Variants in TATDN3 observed in about 807,000 individuals in gnomAD.
TATDN3 encodes the protein deoxyribonuclease TATDN3.
A neutral mutation model predicts 40.1 loss-of-function variants in TATDN3; 29 were observed. That is an observed-to-expected ratio of 0.72 (90% CI 0.54 to 0.99). The LOEUF (loss-of-function observed/expected upper bound fraction) is 0.99, where lower values mean the gene tolerates loss of function less well. TATDN3 is among the 50% of genes least tolerant of loss of function. TATDN3 has a pLI of 0.00. For missense variants in TATDN3, 309 were observed against 321.9 expected, an observed-to-expected ratio of 0.96 and a Z score of 0.31; for synonymous variants, 105 against 117.0, an observed-to-expected ratio of 0.90 and a Z score of 0.66.
At chr1:212,806,781 T>TATATAC (rs1553257529) in intron 7 of TATDN3, among the ~76,000 whole-genome samples, 1 of 94,458 alleles carries the variant, frequency 1.1e-5, no homozygotes, top group African/African-American at 4.3e-5. Flanking sequence ...TATATATATA[T>TATATAC]ATACACACAC....
rs35705391 is a variant in TATDN3, at chr1:212,792,165, A to AT, written c.66+187dup. Among the ~76,000 whole-genome samples, 674 of 151,036 alleles carry AT rather than the reference A, an allele frequency of 4.5e-3. 3 individuals are homozygous for AT. Among genetic ancestry groups the AT allele is most frequent in the African/African-American group, 0.015 (637 of 41,118 alleles). On this transcript the variant is annotated intron_variant, in intron 1 of 9. Coordinates refer to ENST00000366974, the MANE Select transcript of TATDN3 (RefSeq NM_001042552.3). ...TCCCTATTTAACCTCAGACATACCG[A>AT]TTTTTTTTTCCTGATTCAGTAGCGG...
chr1:212,796,847 C>G, intron 3 of TATDN3: 2 of 471,380 alleles, frequency 4.2e-6, no homozygotes, highest in East Asian at 6.8e-5. Context: ...AAGCAATTCT[C>G]TGCCTCAGCC....
Position 212,796,354 on chromosome 1 carries a change from A to C in TATDN3, c.100-163A>C, listed in dbSNP as rs1411637812. Reference sequence around the variant, plus strand: ...GAGGCAATATTTATATTCACTGAACATAAGGTCTGAAACATAGTAAATACT... The same window carrying C: ...GAGGCAATATTTATATTCACTGAACCTAAGGTCTGAAACATAGTAAATACT... On this transcript the variant is annotated intron_variant, in intron 2 of 9. Coordinates refer to ENST00000366974, the MANE Select transcript of TATDN3 (RefSeq NM_001042552.3). 5.3e-5 allele frequency among the ~76,000 whole-genome samples: 8 copies of C among 152,264 alleles called. 1 individual carries two copies. Among genetic ancestry groups the C allele is most frequent in the Non-Finnish European group, 1.2e-4 (8 of 68,054 alleles).
intron 8 of TATDN3, 75 bp from the exon 9 acceptor site, chr1:212,812,173 A>G: frequency 1.1e-6 from 1 of 932,748 alleles, no homozygotes; most frequent in Non-Finnish European, 1.6e-6. Context: ...AAAATGCATT[A>G]TTAGTATGTC....
intron 7 of TATDN3, 74 bp from the exon 8 acceptor site, chr1:212,807,662 T>A (rs1449125672): frequency 8.3e-7 from 1 of 1,200,224 alleles, no homozygotes; most frequent in Non-Finnish European, 1.2e-6. Context: ...TTACTTAAAA[T>A]TTCAGACTTC....
At chr1:212,793,635 T>C (rs1435250069) in intron 1 of TATDN3, among the ~76,000 whole-genome samples, 1 of 152,216 alleles carries the variant, frequency 6.6e-6, no homozygotes, top group Non-Finnish European at 1.5e-5. Flanking sequence ...GTTGGTACTA[T>C]GATGATAGCA....
At chr1:212,800,173 T>C (rs529970004) in intron 4 of TATDN3, among the ~76,000 whole-genome samples, 1 of 152,274 alleles carries the variant, frequency 6.6e-6, no homozygotes, top group South Asian at 2.1e-4. Context: ...ATTCAATAAA[T>C]ACTATTACCA....
chr1:212,810,609 C>G, intron 8 of TATDN3, among the ~76,000 whole-genome samples: 1 of 151,682 alleles, frequency 6.6e-6, no homozygotes, highest in Admixed American at 6.6e-5. Context: ...ATGTCTTCAG[C>G]CCAGGAGATG....
rs539609065 is a variant in TATDN3 at position 212,806,020 on chromosome 1, T to C, written c.487+1369T>C. Among the ~76,000 whole-genome samples, 4 of 152,338 alleles carry C rather than the reference T, an allele frequency of 2.6e-5. No homozygotes were observed. The East Asian group carries it at 5.8e-4, about 22-fold the overall frequency. ...CTCACTTATGTTCAGAACCGTCTAA[T>C]AGTCATTCATACCATTTGAAAAAAC... is the stretch of plus-strand genomic sequence containing the variant. On this transcript the variant is annotated intron_variant, in intron 7 of 9. Coordinates refer to ENST00000366974, the MANE Select transcript of TATDN3 (RefSeq NM_001042552.3).
intron 5 of TATDN3, 104 bp downstream of exon 5, chr1:212,802,867 A>G: frequency 1.3e-6 from 1 of 767,324 alleles, no homozygotes; most frequent in South Asian, 1.8e-5. Context: ...GACTTGTATA[A>G]TTATGTTCAC....
chr1:212,794,002 C>T (rs1002237847), intron 1 of TATDN3, among the ~76,000 whole-genome samples: 24 of 152,012 alleles, frequency 1.6e-4, no homozygotes, highest in Admixed American at 1.1e-3. Context: ...AATTGGGGGC[C>T]GGGCGCAGTG....
chr1:212,806,797 C>CATATAT (rs1662531811), intron 7 of TATDN3, among the ~76,000 whole-genome samples: 1 of 94,122 alleles, frequency 1.1e-5, no homozygotes, highest in Non-Finnish European at 2.1e-5. Flanking sequence ...CACACACACA[C>CATATAT]ACATATATAC....
intron 9 of TATDN3, among the ~76,000 whole-genome samples, chr1:212,814,337 TG>T (rs1196017306): frequency 6.6e-6 from 1 of 152,212 alleles, no homozygotes. Context: ...GTTATTCTTC[TG>T]AACATTATCA....
intron 1 of TATDN3, 121 bp downstream of exon 1, chr1:212,792,108 T>A: frequency 1.0e-6 from 1 of 969,730 alleles, no homozygotes; most frequent in Non-Finnish European, 1.6e-6. Flanking sequence ...CCCTTGTTTA[T>A]GGCCATATGA....
At chr1:212,809,411 G>A (rs568172770) in intron 8 of TATDN3, among the ~76,000 whole-genome samples, 29 of 152,302 alleles carry the variant, frequency 1.9e-4, no homozygotes, top group African/African-American at 6.3e-4. Context: ...TAGGCCGGGC[G>A]CAGTGGCTTA....
intron 4 of TATDN3, among the ~76,000 whole-genome samples, chr1:212,799,308 G>A (rs1571954634): frequency 6.6e-6 from 1 of 151,996 alleles, no homozygotes; most frequent in African/African-American, 2.4e-5. Context: ...AATGAGTTTG[G>A]TGAAGAAAAA....
At chr1:212,813,717 T>C (rs1192823218) in intron 9 of TATDN3, among the ~76,000 whole-genome samples, 9 of 151,464 alleles carry the variant, frequency 5.9e-5, no homozygotes, top group Non-Finnish European at 1.5e-5. Context: ...TTTTTGTTTT[T>C]GTTTTGTTTT....
At chr1:212,811,232 T>C (rs1345227905) in intron 8 of TATDN3, among the ~76,000 whole-genome samples, 1 of 151,812 alleles carries the variant, frequency 6.6e-6, no homozygotes, top group East Asian at 1.9e-4. Context: ...GCCTCCCGGG[T>C]TCAAGTGATT....
rs1553257538 is a variant in TATDN3 at position 212,806,795 on chromosome 1, C to CACATATAT, written c.488-938_488-937insTATATACA. Reference sequence around the variant, plus strand: ...ATATATATATATATACACACACACACACACATATATACACATATATACACA... The same window carrying CACATATAT: ...ATATATATATATATACACACACACACACATATATACACATATATACACATATATACACA... On this transcript the variant is annotated intron_variant, in intron 7 of 9. Coordinates refer to ENST00000366974, the MANE Select transcript of TATDN3 (RefSeq NM_001042552.3). 1.4e-4 allele frequency among the ~76,000 whole-genome samples: 14 copies of CACATATAT among 96,970 alleles called. 2 individuals carry two copies. The highest frequency in any genetic ancestry group is 8.9e-4 in the East Asian group (3 of 3,374). The allele number at this position is 96,970 out of a possible 152,430, so 63.6% of individuals were successfully genotyped here.
Sources: gnomAD v4.1 joint callset for allele counts (sites outside exome capture counted in the v4.1 genomes callset) on GRCh38, gnomAD v4.1.1 for gene constraint, MANE v1.5 for transcripts, NCBI Gene and HGNC (gene_info 2026-07-23, HGNC 2026-07-21) for gene names.